The following ADPGK variants were observed in gnomAD, a reference collection of about 807,000 sequenced individuals.
ADPGK encodes the protein ADP dependent glucokinase.
Under a neutral mutation model 42.4 loss-of-function variants are expected in ADPGK, and 26 were observed. The observed-to-expected ratio is 0.61, with a 90% CI of 0.45 to 0.85. The LOEUF (loss-of-function observed/expected upper bound fraction) is 0.85. ADPGK is among the 40% of genes least tolerant of loss of function. The pLI, the probability that ADPGK is intolerant of heterozygous loss-of-function variation, is 0.00. For missense variants in ADPGK, 571 were observed against 627.0 expected (o/e 0.91, Z 0.95); for synonymous variants, 267 against 252.6 (o/e 1.06, Z -0.54).
chr15:72,758,194 G>C, intron 4 of ADPGK: 1 of 1,454,978 alleles, frequency 6.9e-7, no homozygotes, highest in Non-Finnish European at 9.7e-7. Context: ...TCATGGCCCC[G>C]TTGGAGAGGC....
Position 72,752,802 on chromosome 15 carries a change from A to G in ADPGK, c.1033T>C (p.Ser345Pro). The change falls in exon 7 of 7, where the codon TCC becomes CCC. Residue 345 changes from serine (S) to proline (P), a missense_variant. Coordinates refer to ENST00000456471, the MANE Select transcript of ADPGK (RefSeq NM_001365225.1). ...SASGPHSSLSSWNGVPDVGMV... is the reference protein window; with the variant it reads ...SASGPHSSLSPWNGVPDVGMV... ...CCCACATCAGGAACACCGTTCCAGG[A>G]AGAGAGAGAAGAGTGAGGTCCAGAG... The G allele has an allele frequency of 6.2e-7, 1 of 1,614,246 alleles. No homozygotes were observed. Among genetic ancestry groups the G allele is most frequent in the Non-Finnish European group, 8.5e-7 (1 of 1,180,052 alleles).
intron 3 of ADPGK, among the ~76,000 whole-genome samples, 158 bp from the exon 4 acceptor site, chr15:72,760,685 C>T (rs762402353): frequency 1.3e-5 from 2 of 152,002 alleles, no homozygotes; most frequent in Non-Finnish European, 2.9e-5. Flanking sequence ...TGGAGGTGTG[C>T]GGCAGAAGGC....
Position 72,756,409 on chromosome 15 carries a change from G to A in ADPGK, c.682C>T (p.Arg228Ter), listed in dbSNP as rs771819373. The A allele has an allele frequency of 1.3e-5, 21 of 1,614,052 alleles. No individual in the cohort carries two copies. Among genetic ancestry groups the A allele is most frequent in the African/African-American group, 5.3e-5 (4 of 74,920 alleles). The change falls in exon 5 of 7, where the codon CGA becomes TGA. Residue 228 changes from arginine to a stop codon, truncating the protein, a stop_gained. Coordinates refer to ENST00000456471, the MANE Select transcript of ADPGK (RefSeq NM_001365225.1). LOFTEE classifies it high-confidence loss of function. ...GAGAGGTCGTGAGAGAAGATGAATC[G>A]GTTGGCATGGGGAGCTTTTAACTGG... ...WGQLKAPHANRFIFSHDLSNG... is the reference protein window; with the variant it reads ...WGQLKAPHAN
chr15:72,779,326 G>A (rs1052039117), intron 1 of ADPGK, among the ~76,000 whole-genome samples: 5 of 133,578 alleles, frequency 3.7e-5, no homozygotes, highest in Admixed American at 3.5e-4. Flanking sequence ...TCGGCTCACC[G>A]CAACCTCTGC....
rs1258004279 is a variant in ADPGK at position 72,760,495 on chromosome 15, T to C, written c.555A>G (p.Leu185=). 3.1e-6 allele frequency: 5 copies of C among 1,609,596 alleles called. No homozygotes were observed. The highest frequency in any genetic ancestry group is 3.4e-6 in the Non-Finnish European group (4 of 1,176,476). The part of the protein sequence containing the change: ...VLLCGPVGPK[L]HELLDDNVFV... ...AGACATTGTCATCAAGAAGCTCATG[T>C]AGCTTTGGACCAACTGGACCGCAAA... is the stretch of plus-strand genomic sequence containing the variant. The change falls in exon 4 of 7, where the codon CTA becomes CTG. Residue 185 remains leucine, a synonymous_variant. Transcript: ENST00000456471.
At chr15:72,758,123 G>C in intron 4 of ADPGK, 4 of 1,613,594 alleles carry the variant, frequency 2.5e-6, no homozygotes. Context: ...GTGCAATCCA[G>C]AAAGGACCAC....
chr15:72,755,048 G>A (rs1453955102), intron 6 of ADPGK, among the ~76,000 whole-genome samples: 1 of 152,156 alleles, frequency 6.6e-6, no homozygotes, highest in East Asian at 1.9e-4. Flanking sequence ...GCCAGGTGAG[G>A]TAACTTGCCT....
intron 4 of ADPGK, 79 bp downstream of exon 4, chr15:72,760,328 T>C (rs994525092): frequency 7.0e-7 from 1 of 1,437,170 alleles, no homozygotes; most frequent in Non-Finnish European, 9.3e-7. Flanking sequence ...AAGATAAATT[T>C]CCGGCACAGT....
rs775219893 is a variant in ADPGK, at chr15:72,783,662, C to G, written c.30G>C (p.Ala10=). The change falls in exon 1 of 7, where the codon GCG becomes GCC. Residue 10 remains alanine, a synonymous_variant. Coordinates refer to ENST00000456471, the MANE Select transcript of ADPGK (RefSeq NM_001365225.1). MALWRGSAY[A]GFLALAVGCV... is the part of the protein sequence containing the mutation. Reference sequence around the variant, plus strand: ...AGCCCACGGCCAGCGCCAGGAAGCCCGCGTACGCGGAGCCGCGCCACAGCG... The same window carrying G: ...AGCCCACGGCCAGCGCCAGGAAGCCGGCGTACGCGGAGCCGCGCCACAGCG... The G allele has an allele frequency of 7.3e-6, 11 of 1,506,354 alleles. No homozygotes were observed. The highest frequency in any genetic ancestry group is 2.9e-5 in the African/African-American group (2 of 69,238). 93.3% of individuals were successfully genotyped at this position (1,506,354 alleles called of 1,614,324 possible). A position where few individuals can be genotyped will look rare whatever the true frequency, so the allele number is the denominator to read the frequency against.
At chr15:72,774,730 T>C (rs926853410) in intron 2 of ADPGK, 142 bp downstream of exon 2, 2 of 673,758 alleles carry the variant, frequency 3.0e-6, no homozygotes, top group Non-Finnish European at 5.0e-6. Context: ...ACCATCAACC[T>C]AGACCCACAG....
intron 3 of ADPGK, among the ~76,000 whole-genome samples, chr15:72,761,222 C>T (rs1188195298): frequency 6.6e-6 from 1 of 152,224 alleles, no homozygotes; most frequent in East Asian, 1.9e-4. Context: ...ACCCTACCCC[C>T]ACTTTCTTTA....
intron 1 of ADPGK, among the ~76,000 whole-genome samples, chr15:72,780,194 TA>T (rs1566966313): frequency 6.6e-6 from 1 of 152,158 alleles, no homozygotes; most frequent in Non-Finnish European, 1.5e-5. Flanking sequence ...TTAATTGACT[TA>T]CAGTTCAGCA....
intron 1 of ADPGK, among the ~76,000 whole-genome samples, chr15:72,778,379 C>A (rs997322216): frequency 6.6e-6 from 1 of 151,932 alleles, no homozygotes; most frequent in African/African-American, 2.4e-5. Context: ...CAATAGCATC[C>A]CAAAATGTAA....
chr15:72,760,679 G>A, intron 3 of ADPGK, 152 bp from the exon 4 acceptor site: 2 of 1,109,918 alleles, frequency 1.8e-6, no homozygotes, highest in Admixed American at 5.7e-5. Flanking sequence ...TTGGTCTGGA[G>A]GTGTGCGGCA....
chr15:72,773,903 C>T (rs1480171358), intron 2 of ADPGK, among the ~76,000 whole-genome samples: 2 of 152,350 alleles, frequency 1.3e-5, no homozygotes, highest in Non-Finnish European at 2.9e-5. Flanking sequence ...GGGTCACACC[C>T]TGTTGCCCAG....
intron 3 of ADPGK, among the ~76,000 whole-genome samples, chr15:72,768,917 T>A (rs1163276223): frequency 1.4e-5 from 2 of 146,852 alleles, no homozygotes; most frequent in Non-Finnish European, 3.0e-5. Context: ...GAGGTTGCAG[T>A]GAGCCGAGAT....
In ADPGK at chr15:72,783,517, C is replaced by T; in HGVS notation, c.175G>A (p.Ala59Thr). 1 of 1,474,616 alleles carries T rather than the reference C, an allele frequency of 6.8e-7. No individual in the cohort carries two copies. The highest frequency in any genetic ancestry group is 8.9e-7 in the Non-Finnish European group (1 of 1,119,906). The allele number at this position is 1,474,616 out of a possible 1,614,324, so 91.3% of individuals were successfully genotyped here. ...CGCACGATAAGCGCGTCCCAGGCTG[C>T]CGCCAACCGGCCCTCGGGGGAGACG... ...GPVSPEGRLA[A>T]AWDALIVRPV... Residue 59 changes from alanine to threonine, a missense_variant, in exon 1 of 7, where the codon GCA becomes ACA. Ala to Thr is a moderately conservative substitution (Grantham distance 58). This residue lies in a region of ADPGK where 137 missense variants were observed against 104.2 expected (regional missense o/e 1.31). Coordinates refer to ENST00000456471, the MANE Select transcript of ADPGK (RefSeq NM_001365225.1).
At chr15:72,759,363 A>T (rs2066162058) in intron 4 of ADPGK, among the ~76,000 whole-genome samples, 1 of 152,222 alleles carries the variant, frequency 6.6e-6, no homozygotes, top group African/African-American at 2.4e-5. Flanking sequence ...TAAAGCTGAG[A>T]AACTCAAAAA....
At chr15:72,770,931 G>T (rs2066321809) in intron 3 of ADPGK, among the ~76,000 whole-genome samples, 1 of 152,160 alleles carries the variant, frequency 6.6e-6, no homozygotes, top group South Asian at 2.1e-4. Context: ...AAAACTAGAA[G>T]ACTGTTCACA....
Sources: allele counts gnomAD v4.1 joint callset (sites outside exome capture counted in the v4.1 genomes callset), GRCh38; gene constraint gnomAD v4.1.1; regional missense constraint gnomAD v4.1.1; transcripts MANE v1.5; gene names NCBI Gene and HGNC (gene_info 2026-07-23, HGNC 2026-07-21).